Variants in ALDH3B2 observed in about 807,000 individuals in gnomAD.
The protein encoded by ALDH3B2 is aldehyde dehydrogenase 3 family member B2, also known as aldehyde dehydrogenase family 3 member B2.
A neutral mutation model predicts 36.7 loss-of-function variants in ALDH3B2; 45 were observed. That is an observed-to-expected ratio of 1.23 (90% CI 0.97 to 1.57). ALDH3B2 has a LOEUF of 1.57. Ranked by LOEUF, ALDH3B2 falls within the 40% of genes most tolerant of loss-of-function variation. The pLI is 0.00. For synonymous variants in ALDH3B2, 217 were observed against 226.5 expected (o/e 0.96, Z 0.38); for missense variants, 464 against 513.3 (o/e 0.90, Z 0.93).
chr11:67,670,513 T>G (rs1175905620), intron 1 of ALDH3B2, among the ~76,000 whole-genome samples: 1 of 152,154 alleles, frequency 6.6e-6, no homozygotes, highest in East Asian at 1.9e-4. Flanking sequence ...GTGAGTGTCC[T>G]GGAGGCCAGT....
rs575524604 is a variant in ALDH3B2 at position 67,666,519 on chromosome 11, C to A, written c.151+55G>T. ...CCTCAGAGCAAGATTCCAGGGGCCT[C>A]TTTGGGAGGGGCTACTGGGCGGGGA... On this transcript the variant is annotated intron_variant, in intron 4 of 9. Transcript: ENST00000349015. 2.6e-5 allele frequency: 42 copies of A among 1,610,990 alleles called. No individual in the cohort carries two copies. The South Asian group carries it at 4.4e-4, about 17-fold the overall frequency.
chr11:67,663,011 T>C (rs866907), exon 10 of ALDH3B2: 561,166 of 639,002 alleles, frequency 0.88, 249,705 homozygotes, highest in South Asian at 0.94. Flanking sequence ...TGCGGCCTCT[T>C]GGCCTCTCTC....
intron 1 of ALDH3B2, among the ~76,000 whole-genome samples, chr11:67,671,535 C>G (rs1446391287): frequency 2.7e-5 from 1 of 37,116 alleles, no homozygotes; most frequent in African/African-American, 7.6e-5. Context: ...CAGGGCCAAC[C>G]TGCCTCCCCC....
intron 1 of ALDH3B2, among the ~76,000 whole-genome samples, chr11:67,680,087 G>T (rs1311436607): frequency 6.6e-6 from 1 of 152,110 alleles, no homozygotes; most frequent in Non-Finnish European, 1.5e-5. Context: ...AGGCCGAGGT[G>T]GGTGGGTCAC....
chr11:67,667,557 C>G (rs1352561419), exon 2 of ALDH3B2: 3 of 384,462 alleles, frequency 7.8e-6, no homozygotes, highest in Non-Finnish European at 1.4e-5. Context: ...GCTGCGCAGC[C>G]CGGAACTCGG....
chr11:67,666,414 A>G lies in ALDH3B2; in HGVS notation c.152-13T>C, dbSNP rs1855914525. 2 of 1,608,482 alleles carry G rather than the reference A, an allele frequency of 1.2e-6. No individual in the cohort carries two copies. Among genetic ancestry groups the G allele is most frequent in the Non-Finnish European group, 8.5e-7 (1 of 1,177,578 alleles). On this transcript the variant is annotated splice_polypyrimidine_tract_variant and intron_variant, in intron 4 of 9. Transcript: ENST00000349015. ...ACCACGCAACTCCCTGCAGGGGCAG[A>G]TGGGGACGTCGTTGGGGGAGCCCAG...
chr11:67,677,990 T>A (rs1270710055), upstream of ALDH3B2, among the ~76,000 whole-genome samples: 1 of 152,076 alleles, frequency 6.6e-6, no homozygotes, highest in Non-Finnish European at 1.5e-5. Context: ...TGGAAACACA[T>A]CCCATGCTCA....
chr11:67,666,281 G>T lies in ALDH3B2; in HGVS notation c.237+35C>A, dbSNP rs768110687. 3.7e-5 allele frequency: 60 copies of T among 1,611,770 alleles called. No individual in the cohort carries two copies. In the South Asian group the frequency reaches 6.3e-4, roughly 17 times the overall value. On this transcript the variant is annotated intron_variant, in intron 5 of 9. Coordinates refer to ENST00000349015, the Ensembl canonical transcript of ALDH3B2. ...TCAGCCCACAGGGGTGATATATGGG[G>T]ACGTCGGGCACTGCTGGGGCAGGGC... is the stretch of plus-strand genomic sequence containing the variant.
At chr11:67,671,150 T>C (rs1856099043) in intron 1 of ALDH3B2, 1 of 152,320 alleles carries the variant, frequency 6.6e-6, no homozygotes, top group Non-Finnish European at 1.5e-5. Context: ...GGATGAGCTA[T>C]GGCACACAGG....
exon 8 of ALDH3B2, chr11:67,664,454 T>C: frequency 6.2e-7 from 1 of 1,614,130 alleles, no homozygotes; most frequent in Non-Finnish European, 8.5e-7. Context: ...GTTGATGAAC[T>C]TGATGGCCTC....
chr11:67,665,948 C>T (rs1379884581), intron 6 of ALDH3B2, among the ~76,000 whole-genome samples, 174 bp downstream of exon 6: 1 of 152,202 alleles, frequency 6.6e-6, no homozygotes, highest in Non-Finnish European at 1.5e-5. Flanking sequence ...CTCCTGGATC[C>T]AGTTGCTGCA....
intron 1 of ALDH3B2, among the ~76,000 whole-genome samples, chr11:67,670,698 A>G (rs1856083201): frequency 6.6e-6 from 1 of 152,074 alleles, no homozygotes; most frequent in Non-Finnish European, 1.5e-5. Flanking sequence ...ATGTGAGGAG[A>G]CAGGAAGCCA....
intron 1 of ALDH3B2, among the ~76,000 whole-genome samples, chr11:67,672,833 C>T (rs1856164431): frequency 6.6e-6 from 1 of 152,032 alleles, no homozygotes; most frequent in African/African-American, 2.4e-5. Flanking sequence ...TCAAGTGATG[C>T]ACCTGCCTCA....
rs373783723 is a variant in ALDH3B2 at position 67,664,504 on chromosome 11, G to A, written c.765C>T (p.Phe255=). 23 of 1,613,920 alleles carry A rather than the reference G, an allele frequency of 1.4e-5. 1 individual carries two copies. The highest frequency in any genetic ancestry group is 2.7e-5 in the African/African-American group (2 of 74,934). The change falls in exon 8 of 10, where the codon TTC becomes TTT. Residue 255 remains phenylalanine, a synonymous_variant. Transcript: ENST00000349015. ...CGTTCACGATGGGCAGGATGGGCCC[G>A]AAGATCTCCTCCTGCATCACAGGCT...
upstream of ALDH3B2, among the ~76,000 whole-genome samples, chr11:67,676,176 A>T (rs1228273331): frequency 2.0e-5 from 3 of 152,102 alleles, no homozygotes; most frequent in Non-Finnish European, 2.9e-5. Flanking sequence ...GAACCTAGGA[A>T]GCAGAGGTTG....
intron 7 of ALDH3B2, 87 bp from the exon 8 acceptor site, chr11:67,664,649 C>G: frequency 1.3e-6 from 2 of 1,521,582 alleles, no homozygotes; most frequent in South Asian, 2.4e-5. Context: ...GGGGCATGGG[C>G]CAGGGCTCCA....
At chr11:67,679,247 C>G (rs545690461), upstream of ALDH3B2, among the ~76,000 whole-genome samples, 18 of 152,164 alleles carry the variant, frequency 1.2e-4, no homozygotes, top group African/African-American at 4.3e-4. Context: ...GTGGACGGAT[C>G]ACTTGAGGTC....
At chr11:67,666,359 G>C in exon 5 of ALDH3B2, 2 of 1,606,326 alleles carry the variant, frequency 1.2e-6, no homozygotes, top group Non-Finnish European at 1.7e-6. Context: ...GACCTTCTCT[G>C]TGCCCTGGCT....
intron 1 of ALDH3B2, 22 bp downstream of exon 1, chr11:67,674,414 T>G (rs1441858034): frequency 1.3e-5 from 2 of 152,724 alleles, no homozygotes; most frequent in Non-Finnish European, 2.9e-5. Context: ...TGCCCGCCCC[T>G]CACCCCTGTG....
Sources: gnomAD v4.1 joint callset for allele counts (sites outside exome capture counted in the v4.1 genomes callset) on GRCh38, gnomAD v4.1.1 for gene constraint, MANE v1.5 for transcripts, NCBI Gene and HGNC (gene_info 2026-07-23, HGNC 2026-07-21) for gene names.